The following CSMD1 variants were observed in gnomAD, a reference collection of about 807,000 sequenced individuals.
CSMD1 encodes the protein CUB and Sushi multiple domains 1.
A neutral mutation model predicts 417.5 loss-of-function variants in CSMD1; 213 were observed. That is an observed-to-expected ratio of 0.51 (90% CI 0.46 to 0.57). The LOEUF is 0.57. Among genes scored for constraint, CSMD1 ranks in the 20% least tolerant of loss-of-function variants. The pLI is 0.00. For synonymous variants in CSMD1, 2,862 were observed against 1,736.8 expected, an observed-to-expected ratio of 1.65 and a Z score of -16.11; for missense variants, 6,923 against 4,529.7, an observed-to-expected ratio of 1.53 and a Z score of -15.17.
chr8:4,790,303 T>G (rs1327277826), intron 1 of CSMD1, among the ~76,000 whole-genome samples: 1 of 152,034 alleles, frequency 6.6e-6, no homozygotes, highest in East Asian at 1.9e-4. Flanking sequence ...CCACGAGAAT[T>G]ACAAAACAGA....
intron 1 of CSMD1, among the ~76,000 whole-genome samples, chr8:4,727,049 T>C (rs1322664367): frequency 6.6e-6 from 1 of 152,116 alleles, no homozygotes; most frequent in Non-Finnish European, 1.5e-5. Flanking sequence ...GTTTTCTAAA[T>C]GGAGAAACTG....
intron 12 of CSMD1, among the ~76,000 whole-genome samples, chr8:3,437,960 C>T (rs971276265): frequency 4.6e-5 from 7 of 152,110 alleles, no homozygotes; most frequent in Middle Eastern, 3.4e-3. Context: ...AGGCTCATCT[C>T]GAACTGCTGA....
chr8:3,849,002 CAT>C (rs1563142322), intron 5 of CSMD1, among the ~76,000 whole-genome samples: 1 of 151,572 alleles, frequency 6.6e-6, no homozygotes, highest in Non-Finnish European at 1.5e-5. Flanking sequence ...AATGGACTTT[CAT>C]ACAGAAGGTT....
chr8:4,798,926 C>T (rs1466479567), intron 1 of CSMD1, among the ~76,000 whole-genome samples: 1 of 152,164 alleles, frequency 6.6e-6, no homozygotes, highest in Non-Finnish European at 1.5e-5. Flanking sequence ...CAACTGTTTG[C>T]ATCGGCCATT....
intron 1 of CSMD1, among the ~76,000 whole-genome samples, chr8:4,746,510 C>G (rs1047068888): frequency 2.6e-5 from 4 of 152,180 alleles, no homozygotes; most frequent in Non-Finnish European, 5.9e-5. Flanking sequence ...GTGATGAGAG[C>G]AATTAAAAGG....
chr8:3,893,978 C>G (rs967439886), intron 5 of CSMD1, among the ~76,000 whole-genome samples: 2 of 152,102 alleles, frequency 1.3e-5, no homozygotes, highest in Admixed American at 6.5e-5. Flanking sequence ...TTACTGGCAA[C>G]ACCTCTTCCC....
chr8:3,988,629 T>C (rs577482931), intron 5 of CSMD1, among the ~76,000 whole-genome samples: 1 of 152,326 alleles, frequency 6.6e-6, no homozygotes, highest in South Asian at 2.1e-4. Flanking sequence ...GAACGTTTAA[T>C]AGATAAATAT....
At chr8:3,824,610 A>G (rs1801943606) in intron 5 of CSMD1, among the ~76,000 whole-genome samples, 1 of 152,170 alleles carries the variant, frequency 6.6e-6, no homozygotes, top group African/African-American at 2.4e-5. Context: ...ACGGTAAGAT[A>G]TTTTATTAAT....
intron 5 of CSMD1, among the ~76,000 whole-genome samples, chr8:3,985,882 A>G (rs1814286875): frequency 6.6e-6 from 1 of 151,708 alleles, no homozygotes; most frequent in Non-Finnish European, 1.5e-5. Flanking sequence ...TTTCTTCCCA[A>G]TTCATCGTGC....
At chr8:3,984,549 T>A (rs1563284527) in intron 5 of CSMD1, among the ~76,000 whole-genome samples, 1 of 151,572 alleles carries the variant, frequency 6.6e-6, no homozygotes, top group African/African-American at 2.4e-5. Flanking sequence ...CGTCTAGGTA[T>A]ATTAAAAAAT....
chr8:4,081,674 C>G (rs1287458350), intron 3 of CSMD1, among the ~76,000 whole-genome samples: 1 of 152,146 alleles, frequency 6.6e-6, no homozygotes, highest in East Asian at 1.9e-4. Flanking sequence ...TGCAACAATT[C>G]TCAATGAAGT....
chr8:4,320,345 C>T (rs1334168946), intron 3 of CSMD1, among the ~76,000 whole-genome samples: 3 of 152,156 alleles, frequency 2.0e-5, no homozygotes, highest in Non-Finnish European at 2.9e-5. Flanking sequence ...CACAAGTCAT[C>T]ACACAAATAA....
intron 7 of CSMD1, among the ~76,000 whole-genome samples, chr8:3,658,244 T>C (rs1392749972): frequency 6.6e-6 from 1 of 152,108 alleles, no homozygotes; most frequent in Non-Finnish European, 1.5e-5. Flanking sequence ...ATACATGGAA[T>C]AGGCATGGGA....
chr8:3,148,863 G>A (rs1399680801), intron 40 of CSMD1, among the ~76,000 whole-genome samples: 1 of 152,028 alleles, frequency 6.6e-6, no homozygotes, highest in Admixed American at 6.6e-5. Context: ...TTTATCACAG[G>A]CAAACCTGGT....
chr8:3,504,001 G>C (rs904096502), intron 10 of CSMD1, among the ~76,000 whole-genome samples: 1 of 152,132 alleles, frequency 6.6e-6, no homozygotes, highest in East Asian at 1.9e-4. Flanking sequence ...CAGCTAGATA[G>C]GTGCAATCAG....
chr8:3,810,954 T>C (rs1027361489), intron 5 of CSMD1, among the ~76,000 whole-genome samples: 3 of 152,164 alleles, frequency 2.0e-5, no homozygotes, highest in Admixed American at 6.5e-5. Flanking sequence ...ATAATAACGT[T>C]TGTTCTTTAT....
intron 1 of CSMD1, among the ~76,000 whole-genome samples, chr8:4,660,699 C>CA (rs58624576): frequency 0.99 from 151,119 of 152,222 alleles, 75,013 homozygotes; most frequent in East Asian, 1. Flanking sequence ...AGCTACAGAC[C>CA]GCAGAAAGTA....
intron 58 of CSMD1, 133 bp from the exon 59 acceptor site, chr8:2,966,087 C>G: frequency 1.4e-6 from 1 of 728,020 alleles, no homozygotes; most frequent in South Asian, 1.8e-5. Context: ...TACAGCAATA[C>G]TACCCTCTGT....
At chr8:3,785,691 T>C (rs775822337) in intron 5 of CSMD1, among the ~76,000 whole-genome samples, 2 of 152,094 alleles carry the variant, frequency 1.3e-5, no homozygotes, top group African/African-American at 2.4e-5. Context: ...GCTGTGTGCA[T>C]GGAGGAGCCA....
Sources: gnomAD v4.1 joint callset for allele counts (sites outside exome capture counted in the v4.1 genomes callset) on GRCh38, gnomAD v4.1.1 for gene constraint, MANE v1.5 for transcripts, NCBI Gene and HGNC (gene_info 2026-07-23, HGNC 2026-07-21) for gene names.